KCNH7: variants seen among roughly 807,000 people sequenced by gnomAD.
KCNH7 encodes potassium voltage-gated channel subfamily H member 7.
In KCNH7, 49 loss-of-function variants were observed where a neutral mutation model predicts 120.8. That is an observed-to-expected ratio of 0.41 (90% CI 0.32 to 0.51). KCNH7 has a LOEUF of 0.51. Ranked by LOEUF, KCNH7 falls within the 20% of genes least tolerant of loss-of-function variation. KCNH7 has a pLI of 0.38. For synonymous variants in KCNH7, 547 were observed against 516.1 expected (o/e 1.06, Z -0.81); for missense variants, 1,097 against 1,446.6 (o/e 0.76, Z 3.92).
chr2:162,753,088 A>G (rs192400636), intron 2 of KCNH7, among the ~76,000 whole-genome samples: 2 of 151,450 alleles, frequency 1.3e-5, no homozygotes, highest in Non-Finnish European at 2.9e-5. Context: ...TTTGAACTTC[A>G]TCAAAAATAA....
chr2:162,696,597 T>A (rs138548084), intron 2 of KCNH7, among the ~76,000 whole-genome samples: 2 of 152,126 alleles, frequency 1.3e-5, no homozygotes, highest in Non-Finnish European at 2.9e-5. Flanking sequence ...GCAATGAACA[T>A]CTCTTGCACT....
At chr2:162,752,872 G>A (rs1430144826) in intron 2 of KCNH7, among the ~76,000 whole-genome samples, 1 of 134,578 alleles carries the variant, frequency 7.4e-6, no homozygotes, top group Non-Finnish European at 1.6e-5. Context: ...TTGCACTCCA[G>A]CCTGGGCAAA....
intron 9 of KCNH7, among the ~76,000 whole-genome samples, chr2:162,405,099 A>G (rs746256884): frequency 5.3e-5 from 8 of 152,006 alleles, no homozygotes; most frequent in Non-Finnish European, 1.2e-4. Context: ...GATTTTAAAA[A>G]TTTCAAGTTC....
chr2:162,751,065 C>A (rs1025012213), intron 2 of KCNH7, among the ~76,000 whole-genome samples: 8 of 103,552 alleles, frequency 7.7e-5, no homozygotes, highest in African/African-American at 6.4e-4. Context: ...AGCACTCTTA[C>A]AAGCATAGCA....
chr2:162,533,608 TAAC>T (rs1342764728), intron 3 of KCNH7, among the ~76,000 whole-genome samples: 1 of 151,622 alleles, frequency 6.6e-6, no homozygotes, highest in Non-Finnish European at 1.5e-5. Context: ...TTTATACTAA[TAAC>T]AAAATATATG....
chr2:162,758,982 T>C (rs902840814), intron 2 of KCNH7, among the ~76,000 whole-genome samples: 1 of 152,124 alleles, frequency 6.6e-6, no homozygotes, highest in Non-Finnish European at 1.5e-5. Context: ...TGTAGTGTAA[T>C]TGGTTGATCT....
intron 2 of KCNH7, among the ~76,000 whole-genome samples, chr2:162,537,881 T>C (rs962234343): frequency 1.3e-5 from 2 of 152,090 alleles, no homozygotes; most frequent in South Asian, 2.1e-4. Context: ...ATTCAGAGCA[T>C]ACACTTGAAA....
intron 4 of KCNH7, among the ~76,000 whole-genome samples, chr2:162,513,387 C>CTA (rs1691168603): frequency 1.6e-5 from 1 of 62,836 alleles, no homozygotes; most frequent in Non-Finnish European, 3.4e-5. Context: ...CCTTCCTTCT[C>CTA]TCCTTCCCTC....
intron 2 of KCNH7, among the ~76,000 whole-genome samples, chr2:162,649,839 T>G (rs1684504360): frequency 6.6e-6 from 1 of 152,274 alleles, no homozygotes; most frequent in Non-Finnish European, 1.5e-5. Flanking sequence ...TACCTTCATA[T>G]ATACAACTAA....
chr2:162,681,590 T>A (rs1014528337), intron 2 of KCNH7, among the ~76,000 whole-genome samples: 16 of 151,722 alleles, frequency 1.1e-4, no homozygotes, highest in Non-Finnish European at 2.1e-4. Context: ...AGTATAATAT[T>A]CATACTGTTC....
intron 2 of KCNH7, among the ~76,000 whole-genome samples, chr2:162,742,821 CA>C (rs1460533713): frequency 6.6e-6 from 1 of 152,072 alleles, no homozygotes; most frequent in Non-Finnish European, 1.5e-5. Flanking sequence ...GCTCTTGTGA[CA>C]AAAATTAGAG....
chr2:162,722,985 T>G (rs185008478), intron 2 of KCNH7, among the ~76,000 whole-genome samples: 88 of 151,896 alleles, frequency 5.8e-4, no homozygotes, highest in African/African-American at 2.1e-3. Context: ...TTTCATAGAA[T>G]TTCTGTTAAA....
chr2:162,732,600 A>C (rs537593346), intron 2 of KCNH7, among the ~76,000 whole-genome samples: 2 of 152,290 alleles, frequency 1.3e-5, no homozygotes, highest in East Asian at 3.9e-4. Context: ...CTGCATTTTC[A>C]ATTATAAGGT....
chr2:162,386,742 T>C (rs1686584736), intron 12 of KCNH7, among the ~76,000 whole-genome samples: 1 of 151,838 alleles, frequency 6.6e-6, no homozygotes. Flanking sequence ...ACATCACAAA[T>C]TAATAAACCA....
intron 2 of KCNH7, among the ~76,000 whole-genome samples, chr2:162,802,183 G>A (rs141240816): frequency 2.0e-4 from 31 of 151,680 alleles, no homozygotes; most frequent in Non-Finnish European, 3.7e-4. Flanking sequence ...GAACATCCCT[G>A]TTATTTTAAT....
chr2:162,819,450 A>G (rs1361610413), intron 2 of KCNH7, among the ~76,000 whole-genome samples: 1 of 152,212 alleles, frequency 6.6e-6, no homozygotes, highest in Non-Finnish European at 1.5e-5. Flanking sequence ...CAACTTATAA[A>G]CAATAGCTGA....
chr2:162,701,452 C>G (rs1179998285), intron 2 of KCNH7, among the ~76,000 whole-genome samples: 1 of 152,074 alleles, frequency 6.6e-6, no homozygotes, highest in Non-Finnish European at 1.5e-5. Context: ...CAGTTCAAAT[C>G]CATTTATATA....
chr2:162,456,637 T>TA (rs1345522506), intron 6 of KCNH7, among the ~76,000 whole-genome samples: 2 of 151,876 alleles, frequency 1.3e-5, no homozygotes, highest in Non-Finnish European at 1.5e-5. Flanking sequence ...CGAGGGAGTC[T>TA]AAGTCTCTTT....
intron 2 of KCNH7, among the ~76,000 whole-genome samples, chr2:162,621,259 T>TTTTTTTG (rs1683346951): frequency 7.5e-6 from 1 of 133,072 alleles, no homozygotes; most frequent in Non-Finnish European, 1.6e-5. Context: ...CATCTTTTTT[T>TTTTTTTG]TTTTTTTTTT....
Sources: allele counts gnomAD v4.1 joint callset (sites outside exome capture counted in the v4.1 genomes callset), GRCh38; gene constraint gnomAD v4.1.1; transcripts MANE v1.5; gene names NCBI Gene and HGNC (gene_info 2026-07-23, HGNC 2026-07-21).